The following GLIS1 variants were observed in gnomAD, a reference collection of about 807,000 sequenced individuals.
The protein encoded by GLIS1 is zinc finger protein GLIS1.
In GLIS1, 24 loss-of-function variants were observed where a neutral mutation model predicts 63.8. That is an observed-to-expected ratio of 0.38 (90% CI 0.27 to 0.53). GLIS1 has a LOEUF of 0.53. Among genes scored for constraint, GLIS1 ranks in the 20% least tolerant of loss-of-function variants. GLIS1 has a pLI of 0.85. For missense variants in GLIS1, 1,036 were observed against 1,074.1 expected, an observed-to-expected ratio of 0.96 and a Z score of 0.50; for synonymous variants, 450 against 482.5, an observed-to-expected ratio of 0.93 and a Z score of 0.88.
chr1:53,640,272 T>A (rs540421012), intron 2 of GLIS1, among the ~76,000 whole-genome samples: 1 of 152,224 alleles, frequency 6.6e-6, no homozygotes, highest in East Asian at 1.9e-4. Context: ...AGCCCCTTTG[T>A]GAAGAATGCC....
intron 9 of GLIS1, among the ~76,000 whole-genome samples, 185 bp from the exon 10 acceptor site, chr1:53,509,472 C>T (rs1644275066): frequency 1.3e-5 from 2 of 152,074 alleles, no homozygotes; most frequent in South Asian, 4.1e-4. Context: ...CAGCTCCGCC[C>T]TGCAGGGAGG....
At chr1:53,689,887 T>C (rs1292221855) in intron 2 of GLIS1, among the ~76,000 whole-genome samples, 1 of 152,192 alleles carries the variant, frequency 6.6e-6, no homozygotes, top group African/African-American at 2.4e-5. Context: ...TGCCCACATG[T>C]GCCCTTCAGA....
intron 3 of GLIS1, among the ~76,000 whole-genome samples, chr1:53,599,379 G>A (rs1269828844): frequency 6.6e-6 from 1 of 152,178 alleles, no homozygotes; most frequent in Admixed American, 6.5e-5. Context: ...CCGAGCTAGC[G>A]TGTTCAGCCC....
intron 4 of GLIS1, among the ~76,000 whole-genome samples, chr1:53,532,221 G>A (rs1644538261): frequency 6.6e-6 from 1 of 152,224 alleles, no homozygotes; most frequent in Admixed American, 6.5e-5. Context: ...GACAAGTGGG[G>A]ACCGGGGGAG....
intron 5 of GLIS1, among the ~76,000 whole-genome samples, chr1:53,528,134 G>A (rs1644490973): frequency 6.6e-6 from 1 of 152,224 alleles, no homozygotes; most frequent in African/African-American, 2.4e-5. Context: ...ACCTGGGCCA[G>A]GGTGCCACGG....
intron 5 of GLIS1, among the ~76,000 whole-genome samples, chr1:53,527,597 C>T (rs1481012999): frequency 6.6e-6 from 1 of 152,242 alleles, no homozygotes; most frequent in Non-Finnish European, 1.5e-5. Context: ...AACTTTCCCG[C>T]CCATGGAGAG....
chr1:53,704,952 T>A (rs1370885322), intron 2 of GLIS1, among the ~76,000 whole-genome samples: 1 of 152,080 alleles, frequency 6.6e-6, no homozygotes, highest in African/African-American at 2.4e-5. Flanking sequence ...GAGAGTCTCC[T>A]CCCCATTTTG....
intron 4 of GLIS1, among the ~76,000 whole-genome samples, chr1:53,559,590 G>A (rs542357584): frequency 3.3e-5 from 5 of 152,250 alleles, no homozygotes; most frequent in South Asian, 2.1e-4. Flanking sequence ...CTCACCATGC[G>A]GCTCTGCTCC....
At chr1:53,730,291 G>C (rs1475929606) in intron 2 of GLIS1, among the ~76,000 whole-genome samples, 2 of 152,120 alleles carry the variant, frequency 1.3e-5, no homozygotes, top group East Asian at 1.9e-4. Flanking sequence ...ACCTCTGCCG[G>C]CACGTGTAAT....
intron 4 of GLIS1, among the ~76,000 whole-genome samples, chr1:53,583,438 C>A (rs1038074151): frequency 1.3e-5 from 2 of 152,214 alleles, no homozygotes; most frequent in African/African-American, 2.4e-5. Flanking sequence ...GCTCTGTGCC[C>A]AGCAGATGTC....
At chr1:53,692,710 G>C (rs1372164312) in intron 2 of GLIS1, among the ~76,000 whole-genome samples, 1 of 152,220 alleles carries the variant, frequency 6.6e-6, no homozygotes, top group Non-Finnish European at 1.5e-5. Context: ...AGTTTTTGGA[G>C]GGCTTGGCTA....
At chr1:53,660,303 C>A (rs1168688775) in intron 2 of GLIS1, among the ~76,000 whole-genome samples, 1 of 152,208 alleles carries the variant, frequency 6.6e-6, no homozygotes, top group Non-Finnish European at 1.5e-5. Flanking sequence ...CCCTCTGCCA[C>A]AAGGAAGGAG....
At chr1:53,528,234 A>G (rs1163560889) in intron 5 of GLIS1, among the ~76,000 whole-genome samples, 1 of 152,208 alleles carries the variant, frequency 6.6e-6, no homozygotes, top group African/African-American at 2.4e-5. Flanking sequence ...GTGACAATGA[A>G]GCTGAGAAGG....
At chr1:53,585,499 G>A (rs1273006572) in intron 4 of GLIS1, among the ~76,000 whole-genome samples, 2 of 150,710 alleles carry the variant, frequency 1.3e-5, no homozygotes, top group Non-Finnish European at 3.0e-5. Flanking sequence ...AGGGGTGGGG[G>A]GTCAGGGATG....
chr1:53,681,932 C>G (rs1214541785), intron 2 of GLIS1, among the ~76,000 whole-genome samples: 1 of 152,162 alleles, frequency 6.6e-6, no homozygotes, highest in South Asian at 2.1e-4. Flanking sequence ...GACTGCTTCC[C>G]CTCCCTTCCT....
intron 4 of GLIS1, among the ~76,000 whole-genome samples, chr1:53,564,609 A>G (rs983391063): frequency 2.0e-5 from 3 of 152,112 alleles, no homozygotes; most frequent in Non-Finnish European, 4.4e-5. Context: ...ATCTAAACAT[A>G]AGGAAAAACA....
chr1:53,588,969 G>A (rs1014534337), intron 4 of GLIS1, among the ~76,000 whole-genome samples: 3 of 152,192 alleles, frequency 2.0e-5, no homozygotes, highest in African/African-American at 7.2e-5. Flanking sequence ...ATATCCCATG[G>A]GATATGAGCC....
At chr1:53,605,338 G>A (rs61768260) in intron 2 of GLIS1, among the ~76,000 whole-genome samples, 13,306 of 152,124 alleles carry the variant, frequency 0.087, 776 homozygotes, top group South Asian at 0.17. Flanking sequence ...TCCCATCAGG[G>A]TGGCCTGACC....
chr1:53,556,492 A>G (rs1338838536), intron 4 of GLIS1, among the ~76,000 whole-genome samples: 2 of 111,872 alleles, frequency 1.8e-5, no homozygotes, highest in Admixed American at 2.2e-4. Flanking sequence ...GGTGTACTGC[A>G]GGTGTGTGTG....
Sources: gnomAD v4.1 joint callset for allele counts (sites outside exome capture counted in the v4.1 genomes callset) on GRCh38, gnomAD v4.1.1 for gene constraint, MANE v1.5 for transcripts, NCBI Gene and HGNC (gene_info 2026-07-23, HGNC 2026-07-21) for gene names.